ITPK1: variants seen among roughly 807,000 people sequenced by gnomAD.
ITPK1 encodes inositol-tetrakisphosphate 1-kinase.
ITPK1 carries 21 observed loss-of-function variants against 45.3 expected under a neutral mutation model. The ratio of observed to expected loss-of-function variants is 0.46; its 90% CI spans 0.33 to 0.67. ITPK1 has a LOEUF of 0.67. ITPK1 is among the 30% of genes least tolerant of loss of function. ITPK1 has a pLI of 0.02. For synonymous variants in ITPK1, 258 were observed against 253.6 expected, an observed-to-expected ratio of 1.02 and a Z score of -0.16; for missense variants, 474 against 573.5, an observed-to-expected ratio of 0.83 and a Z score of 1.77.
At position 92,939,135 on chromosome 14, in the gene ITPK1, A is replaced by G. The variant is rs1887235195; in HGVS notation, c.*2426T>C. The G allele has an allele frequency of 6.6e-6, 1 of 152,112 alleles. No individual in the cohort carries two copies. The allele number at this position is 152,112 out of a possible 1,614,324, so 9.4% of individuals were successfully genotyped here. On this transcript the variant is annotated 3_prime_UTR_variant, in exon 11 of 11. Transcript: ENST00000267615. Reference sequence around the variant, plus strand: ...ACAGCACCACACAACAACCTTTGCTAAGTGGGTCCCTTCCTTGGACCCAGA... The same window carrying G: ...ACAGCACCACACAACAACCTTTGCTGAGTGGGTCCCTTCCTTGGACCCAGA...
At chr14:93,072,131 TAAA>T (rs34502960) in intron 3 of ITPK1, 7 of 124,622 alleles carry the variant, frequency 5.6e-5, no homozygotes, top group Non-Finnish European at 6.8e-5. Context: ...CATCTCTACT[TAAA>T]AAAAAAAAAA....
intron 5 of ITPK1, among the ~76,000 whole-genome samples, chr14:92,984,419 G>GT (rs970559661): frequency 1.3e-5 from 2 of 152,188 alleles, no homozygotes; most frequent in Admixed American, 6.5e-5. Context: ...TCTATGGCAT[G>GT]TTTTTCATAT....
At chr14:93,072,962 C>A (rs1891083695) in intron 3 of ITPK1, among the ~76,000 whole-genome samples, 1 of 152,258 alleles carries the variant, frequency 6.6e-6, no homozygotes, top group Admixed American at 6.5e-5. Context: ...ACTGGAAATA[C>A]CTCCCTGGCC....
At chr14:93,109,384 C>G (rs1892653331) in intron 2 of ITPK1, among the ~76,000 whole-genome samples, 1 of 152,198 alleles carries the variant, frequency 6.6e-6, no homozygotes, top group South Asian at 2.1e-4. Context: ...GGAACTGGAA[C>G]TCAGCAATGA....
chr14:92,983,584 A>G (rs1321827696), intron 5 of ITPK1, among the ~76,000 whole-genome samples: 1 of 152,246 alleles, frequency 6.6e-6, no homozygotes, highest in Non-Finnish European at 1.5e-5. Context: ...CAGTGAATCC[A>G]TGATGGGATA....
chr14:93,078,793 G>T (rs757237877), intron 2 of ITPK1, among the ~76,000 whole-genome samples: 11 of 151,948 alleles, frequency 7.2e-5, no homozygotes, highest in African/African-American at 2.4e-4. Context: ...CCCTCCCCCC[G>T]CAGGGACGAG....
chr14:92,966,265 T>C (rs542100113), intron 5 of ITPK1, among the ~76,000 whole-genome samples: 16 of 152,328 alleles, frequency 1.1e-4, no homozygotes, highest in African/African-American at 3.4e-4. Context: ...GTGCTGGGAT[T>C]ACAGGTGTGA....
intron 10 of ITPK1, among the ~76,000 whole-genome samples, chr14:92,942,122 A>G (rs970714022): frequency 5.9e-5 from 9 of 152,212 alleles, no homozygotes; most frequent in African/African-American, 2.2e-4. Flanking sequence ...CTCGACCTTC[A>G]GCTGTTGCCA....
At chr14:92,953,448 G>A (rs955225648) in intron 8 of ITPK1, among the ~76,000 whole-genome samples, 1 of 152,262 alleles carries the variant, frequency 6.6e-6, no homozygotes, top group Non-Finnish European at 1.5e-5. Flanking sequence ...CGACAGCCAA[G>A]AAGAGGGAGT....
chr14:93,095,145 A>G (rs891367064), intron 2 of ITPK1, among the ~76,000 whole-genome samples: 1 of 151,832 alleles, frequency 6.6e-6, no homozygotes, highest in Admixed American at 6.6e-5. Flanking sequence ...GTGCTCCAGC[A>G]CCCCGCATGG....
At position 93,076,718 on chromosome 14, in the gene ITPK1, G is replaced by C. The variant is rs1891236727; in HGVS notation, c.96-99C>G. ...CCGGCTGAGGGCAGGACCATGAGAG[G>C]GTTTCAGGAGGGAGCCGGCAGCTGC... On this transcript the variant is annotated intron_variant, in intron 2 of 10. Coordinates refer to ENST00000267615, the MANE Select transcript of ITPK1 (RefSeq NM_014216.6). This position sits in a 1 kb window ranked among gnomAD's most constrained non-coding sequence, Gnocchi z 4.3. 7.0e-7 allele frequency: 1 copy of C among 1,427,716 alleles called. No homozygotes were observed. The highest frequency in any genetic ancestry group is 1.2e-5 in the South Asian group (1 of 86,920). The allele number at this position is 1,427,716 out of a possible 1,614,324, so 88.4% of individuals were successfully genotyped here. A position where few individuals can be genotyped will look rare whatever the true frequency, so the allele number is the denominator to read the frequency against.
At chr14:93,007,797 C>T (rs1043767306) in intron 4 of ITPK1, among the ~76,000 whole-genome samples, 2 of 152,228 alleles carry the variant, frequency 1.3e-5, no homozygotes, top group Non-Finnish European at 2.9e-5. Context: ...AAGTGGGAGT[C>T]GTCCTGCCGC....
rs144344011 is a variant in ITPK1 at position 93,043,368 on chromosome 14, C to T, written c.121-26567G>A. Among the ~76,000 whole-genome samples the T allele has an allele frequency of 1.6e-3, 246 of 152,308 alleles. 2 individuals carry two copies. The highest frequency in any genetic ancestry group is 5.4e-3 in the African/African-American group (226 of 41,572). ...GGGCAGGAAATACCAGTGGGAAAGC[C>T]GAAGACAGCACAGTAGAGACTGCAA... On this transcript the variant is annotated intron_variant, in intron 3 of 10. Transcript: ENST00000267615.
chr14:93,018,300 T>G (rs953357615), intron 3 of ITPK1, among the ~76,000 whole-genome samples: 1 of 151,954 alleles, frequency 6.6e-6, no homozygotes, highest in Non-Finnish European at 1.5e-5. Flanking sequence ...CCAGGTACAT[T>G]TTTGGTCCCC....
At chr14:93,011,241 GT>G (rs1170063909) in intron 4 of ITPK1, among the ~76,000 whole-genome samples, 1 of 152,216 alleles carries the variant, frequency 6.6e-6, no homozygotes, top group African/African-American at 2.4e-5. Context: ...CAAAGCTGTA[GT>G]TAACCCTCCG....
At chr14:93,099,197 C>T (rs1385978004) in intron 2 of ITPK1, among the ~76,000 whole-genome samples, 4 of 152,088 alleles carry the variant, frequency 2.6e-5, no homozygotes, top group Admixed American at 6.5e-5. Context: ...TATATCGGAG[C>T]GGAGTGTCCT....
chr14:93,085,933 G>T (rs773297062), intron 2 of ITPK1, among the ~76,000 whole-genome samples: 3 of 132,964 alleles, frequency 2.3e-5, no homozygotes, highest in Admixed American at 7.4e-5. Context: ...GGGAGGTAGT[G>T]GGGGGTGCTG....
rs114921585 is a variant in ITPK1 at position 93,066,039 on chromosome 14, A to C, written c.120+10556T>G. ...AATTATCTCTGGGTTTTCATTTGTG[A>C]GCCTATCTTGACTTCCCAAGATTTC... On this transcript the variant is annotated intron_variant, in intron 3 of 10. Transcript: ENST00000267615. 4.5e-3 allele frequency: 1,244 copies of C among 275,496 alleles called. 16 individuals carry two copies. Among genetic ancestry groups the C allele is most frequent in the African/African-American group, 0.026 (1,158 of 44,810 alleles). 17.1% of individuals were successfully genotyped at this position (275,496 alleles called of 1,614,324 possible). A position where few individuals can be genotyped will look rare whatever the true frequency, so the allele number is the denominator to read the frequency against.
chr14:93,066,625 C>T (rs1381414716), intron 3 of ITPK1, among the ~76,000 whole-genome samples: 1 of 152,026 alleles, frequency 6.6e-6, no homozygotes, highest in Admixed American at 6.5e-5. Context: ...AGGATGGTCT[C>T]GATCTCCTGA....
Sources: gnomAD v4.1 joint callset for allele counts (sites outside exome capture counted in the v4.1 genomes callset) on GRCh38, gnomAD v4.1.1 for gene constraint, Gnocchi (gnomAD v3.1) non-coding constraint, MANE v1.5 for transcripts, NCBI Gene and HGNC (gene_info 2026-07-23, HGNC 2026-07-21) for gene names.